Variants in TMEM232 observed in about 807,000 individuals in gnomAD.
The protein encoded by TMEM232 is transmembrane protein 232.
A neutral mutation model predicts 78.8 loss-of-function variants in TMEM232; 80 were observed. That is an observed-to-expected ratio of 1.01 (90% confidence interval 0.85 to 1.22). The LOEUF (loss-of-function observed/expected upper bound fraction) is 1.22. Ranked by LOEUF, TMEM232 falls within the 50% of genes most tolerant of loss-of-function variation. TMEM232 has a pLI of 0.00. For synonymous variants in TMEM232, 297 were observed against 254.3 expected (o/e 1.17, Z -1.60); for missense variants, 881 against 742.2 (o/e 1.19, Z -2.17).
chr5:110,486,298 G>C (rs1764459844), intron 12 of TMEM232, among the ~76,000 whole-genome samples: 1 of 151,764 alleles, frequency 6.6e-6, no homozygotes, highest in Non-Finnish European at 1.5e-5. Flanking sequence ...TGTTCCTTTT[G>C]CCATGCAAAA....
intron 2 of TMEM232, among the ~76,000 whole-genome samples, chr5:110,404,106 G>T (rs1755703425): frequency 6.6e-6 from 1 of 151,520 alleles, no homozygotes; most frequent in Admixed American, 6.6e-5. Flanking sequence ...TTCCCATCTC[G>T]CCATTTTTAT....
intron 8 of TMEM232, 54 bp from the exon 9 acceptor site, chr5:110,606,341 A>AATG (rs1321997223): frequency 5.3e-5 from 76 of 1,432,844 alleles, no homozygotes; most frequent in Non-Finnish European, 6.5e-5. Flanking sequence ...TAATAATAAT[A>AATG]ATCAACTTTT....
At chr5:110,511,327 A>G (rs1257510160) in intron 12 of TMEM232, among the ~76,000 whole-genome samples, 1 of 152,124 alleles carries the variant, frequency 6.6e-6, no homozygotes, top group Non-Finnish European at 1.5e-5. Flanking sequence ...TAGCATTAGG[A>G]GAAATACCTA....
At chr5:110,497,724 C>T (rs1765786909) in intron 12 of TMEM232, among the ~76,000 whole-genome samples, 1 of 152,042 alleles carries the variant, frequency 6.6e-6, no homozygotes, top group South Asian at 2.1e-4. Context: ...CCCCACCTGG[C>T]CTGCTTTACA....
chr5:110,461,832 T>C (rs772958296), intron 12 of TMEM232, among the ~76,000 whole-genome samples: 5 of 152,176 alleles, frequency 3.3e-5, no homozygotes, highest in Non-Finnish European at 7.3e-5. Context: ...ACAGCACATG[T>C]TTTTACAGCA....
chr5:110,406,581 T>G (rs1198060513), intron 2 of TMEM232, among the ~76,000 whole-genome samples: 1 of 151,990 alleles, frequency 6.6e-6, no homozygotes, highest in Non-Finnish European at 1.5e-5. Flanking sequence ...AAACAGAAGC[T>G]GAGAGAATTC....
chr5:110,505,821 T>C (rs1366907391), intron 12 of TMEM232, among the ~76,000 whole-genome samples: 1 of 152,166 alleles, frequency 6.6e-6, no homozygotes, highest in Non-Finnish European at 1.5e-5. Flanking sequence ...TAAATAGGCA[T>C]TCCTATACTC....
chr5:110,672,864 G>A (rs561047524), intron 1 of TMEM232, among the ~76,000 whole-genome samples: 6 of 152,062 alleles, frequency 3.9e-5, no homozygotes, highest in African/African-American at 1.2e-4. Flanking sequence ...TGTACAATAA[G>A]ACCACATTGC....
At chr5:110,704,324 A>T (rs1795714900) in intron 1 of TMEM232, among the ~76,000 whole-genome samples, 1 of 151,994 alleles carries the variant, frequency 6.6e-6, no homozygotes, top group Non-Finnish European at 1.5e-5. Flanking sequence ...CTGGTGTTAC[A>T]TTTCTCATTT....
intron 10 of TMEM232, among the ~76,000 whole-genome samples, chr5:110,595,002 C>A (rs1035629216): frequency 1.3e-5 from 2 of 152,180 alleles, no homozygotes; most frequent in Non-Finnish European, 2.9e-5. Flanking sequence ...CAGGGGTCAA[C>A]AGACACCTCA....
chr5:110,728,323 T>A (rs1280397390), upstream of TMEM232, among the ~76,000 whole-genome samples: 1 of 151,802 alleles, frequency 6.6e-6, no homozygotes, highest in African/African-American at 2.4e-5. Context: ...AATGAAAGAT[T>A]ACAGAAAAAG....
chr5:110,426,613 A>T (rs1757259049), intron 12 of TMEM232, among the ~76,000 whole-genome samples: 2 of 152,002 alleles, frequency 1.3e-5, no homozygotes, highest in South Asian at 2.1e-4. Context: ...GTTACAGGCA[A>T]CCAGGAAAAA....
intron 12 of TMEM232, among the ~76,000 whole-genome samples, chr5:110,469,343 T>C (rs1288918521): frequency 6.6e-6 from 1 of 152,210 alleles, no homozygotes; most frequent in African/African-American, 2.4e-5. Context: ...CCAGTATCTC[T>C]GAGCTGGGCT....
chr5:110,523,968 G>GT (rs1167941672), intron 12 of TMEM232, among the ~76,000 whole-genome samples: 1 of 94,638 alleles, frequency 1.1e-5, no homozygotes, highest in East Asian at 3.2e-4. Flanking sequence ...AAAAAAAAAG[G>GT]GGGGGGGGCG....
At chr5:110,705,566 G>A (rs1795839218) in intron 1 of TMEM232, among the ~76,000 whole-genome samples, 1 of 151,968 alleles carries the variant, frequency 6.6e-6, no homozygotes, top group Non-Finnish European at 1.5e-5. Context: ...AATTCAAATG[G>A]AAGCAGAGTA....
At chr5:110,481,733 A>C (rs1763887169) in intron 12 of TMEM232, among the ~76,000 whole-genome samples, 3 of 152,326 alleles carry the variant, frequency 2.0e-5, no homozygotes, top group South Asian at 4.1e-4. Context: ...ACAAGAGTAG[A>C]CTTTGAAGCA....
intron 1 of TMEM232, among the ~76,000 whole-genome samples, chr5:110,693,984 C>T (rs1440923427): frequency 6.6e-6 from 1 of 152,106 alleles, no homozygotes; most frequent in African/African-American, 2.4e-5. Flanking sequence ...AGAAGAGCAA[C>T]TCCAAGACAC....
rs531583250 is a variant in TMEM232 at position 110,461,432 on chromosome 5, T to C, written c.1704-36516A>G. 2.6e-5 allele frequency among the ~76,000 whole-genome samples: 4 copies of C among 152,250 alleles called. No individual in the cohort carries two copies. The South Asian group carries it at 6.2e-4, about 24-fold the overall frequency. On this transcript the variant is annotated intron_variant, in intron 12 of 13. Transcript: ENST00000455884. ...TTGCAATCCAGCAGCGGTTGGTCCATGAAGCTTAAGGAAATAAGTTGTTCC... is the reference window on the plus strand; with the variant it reads ...TTGCAATCCAGCAGCGGTTGGTCCACGAAGCTTAAGGAAATAAGTTGTTCC...
intron 11 of TMEM232, among the ~76,000 whole-genome samples, chr5:110,530,685 A>G (rs1771320016): frequency 2.6e-5 from 4 of 152,182 alleles, no homozygotes; most frequent in African/African-American, 7.2e-5. Context: ...TTGATCTCAT[A>G]TAAGTAGAGT....
Sources: allele counts gnomAD v4.1 joint callset (sites outside exome capture counted in the v4.1 genomes callset), GRCh38; gene constraint gnomAD v4.1.1; transcripts MANE v1.5; gene names NCBI Gene and HGNC (gene_info 2026-07-23, HGNC 2026-07-21).